RELT: variants seen among roughly 807,000 people sequenced by gnomAD.
The protein encoded by RELT is tumor necrosis factor receptor superfamily member 19L.
Under a neutral mutation model 51.1 loss-of-function variants are expected in RELT, and 37 were observed. The observed-to-expected ratio is 0.72, with a 90% CI of 0.56 to 0.95. The LOEUF is 0.95. RELT is among the 40% of genes least tolerant of loss of function. The pLI is 0.00. For synonymous variants in RELT, 241 were observed against 235.7 expected, an observed-to-expected ratio of 1.02 and a Z score of -0.21; for missense variants, 535 against 572.6, an observed-to-expected ratio of 0.93 and a Z score of 0.67.
chr11:73,393,685 A>C (rs1866256243), intron 6 of RELT, 152 bp from the exon 7 acceptor site: 1 of 1,587,864 alleles, frequency 6.3e-7, no homozygotes, highest in African/African-American at 1.3e-5. Flanking sequence ...CCTGGATCCC[A>C]CATTTGCAGG....
Position 73,395,446 on chromosome 11 carries a change from G to GA in RELT, c.1250dup (p.Asn417LysfsTer9). On this transcript the variant is annotated frameshift_variant, in exon 11 of 11. Coordinates refer to ENST00000064780, the MANE Select transcript of RELT (RefSeq NM_152222.2). LOFTEE classifies it high-confidence loss of function. Reference sequence around the variant, plus strand: ...GACCCCTCACCCCTGCCCACCAGGAGAACCGCTATGTGGTCCGGCTAAGTG... The same window carrying GA: ...GACCCCTCACCCCTGCCCACCAGGAGAAACCGCTATGTGGTCCGGCTAAGTG... The GA allele has an allele frequency of 1.2e-6, 1 of 856,000 alleles. No individual in the cohort carries two copies. The highest frequency in any genetic ancestry group is 2.1e-6 in the Non-Finnish European group (1 of 486,802). The allele number at this position is 856,000 out of a possible 1,614,324, so 53.0% of individuals were successfully genotyped here. A position where few individuals can be genotyped will look rare whatever the true frequency, so the allele number is the denominator to read the frequency against.
intron 5 of RELT, 117 bp downstream of exon 5, chr11:73,391,340 C>G: frequency 1.0e-6 from 1 of 959,626 alleles, no homozygotes; most frequent in Non-Finnish European, 1.6e-6. Flanking sequence ...CTTCTTCCAG[C>G]CCAGGGCAGG....
In RELT at chr11:73,391,142, AG is replaced by A. The variant is rs1482563053; in HGVS notation, c.288del. 3.1e-6 allele frequency: 5 copies of A among 1,613,046 alleles called. No individual in the cohort carries two copies. The highest frequency in any genetic ancestry group is 4.2e-6 in the Non-Finnish European group (5 of 1,179,566). On this transcript the variant is annotated splice_acceptor_variant, in intron 4 of 10. Transcript: ENST00000064780. LOFTEE classifies it high-confidence loss of function. ...CCTCAGTGGTATCTTCCCTCCTCGC[AG>A]GTGGTTTGGGCCTTGGGGGGTTCCC...
intron 1 of RELT, among the ~76,000 whole-genome samples, chr11:73,387,991 G>A (rs943348667): frequency 3.3e-5 from 5 of 152,294 alleles, no homozygotes; most frequent in Middle Eastern, 3.4e-3. Flanking sequence ...AGTACACAGC[G>A]GACTTCCTTG....
At chr11:73,378,472 A>G (rs148160110) in intron 1 of RELT, among the ~76,000 whole-genome samples, 18 of 152,294 alleles carry the variant, frequency 1.2e-4, no homozygotes, top group Admixed American at 5.9e-4. Flanking sequence ...CAGAGAAGCA[A>G]AGTGACTTGG....
In RELT at chr11:73,394,426, T is replaced by TG; in HGVS notation, c.789-51_789-50insG. 6.2e-7 allele frequency: 1 copy of TG among 1,607,474 alleles called. No homozygotes were observed. On this transcript the variant is annotated intron_variant, in intron 8 of 10. Coordinates refer to ENST00000064780, the MANE Select transcript of RELT (RefSeq NM_152222.2). This position sits in a 1 kb window ranked among gnomAD's most constrained non-coding sequence, Gnocchi z 4.9. ...CAAGTCACCCTGTTCCCTGCTGGGGTCTCCTGCCCCTGGCCTGGCCTATGG... is the reference window on the plus strand; with the variant it reads ...CAAGTCACCCTGTTCCCTGCTGGGGTGCTCCTGCCCCTGGCCTGGCCTATGG...
At position 73,394,809 on chromosome 11, in the gene RELT, C is replaced by CT. The variant is rs1349880413; in HGVS notation, c.1046+75_1046+76insT. On this transcript the variant is annotated intron_variant, in intron 9 of 10. Transcript: ENST00000064780. This position sits in a 1 kb window ranked among gnomAD's most constrained non-coding sequence, Gnocchi z 4.9. ...GGGGCCGGGAGGGGGAGGCAGGGCC[C>CT]CAGCTTGGGCCCTGAGCACCCTGCT... 8 of 1,529,936 alleles carry CT rather than the reference C, an allele frequency of 5.2e-6. No homozygotes were observed. The African/African-American group carries it at 1.1e-4, about 21-fold the overall frequency. 94.8% of individuals were successfully genotyped at this position (1,529,936 alleles called of 1,614,324 possible).
intron 1 of RELT, among the ~76,000 whole-genome samples, chr11:73,377,603 G>A (rs1865990231): frequency 6.6e-6 from 1 of 151,726 alleles, no homozygotes; most frequent in Non-Finnish European, 1.5e-5. Flanking sequence ...CTCACGCATC[G>A]AAGTCCCTAC....
In RELT at chr11:73,390,864, T is replaced by C. The variant is rs199650546; in HGVS notation, c.230T>C (p.Leu77Pro). Residue 77 changes from leucine to proline, a missense_variant, in exon 4 of 11, where the codon CTG becomes CCG. Physicochemically the swap from Leu to Pro is moderately conservative, Grantham distance 98 (BLOSUM62 -3). Coordinates refer to ENST00000064780, the MANE Select transcript of RELT (RefSeq NM_152222.2). ...PHARCSLWRR[L>P]EAQVGMATRD... ...GCCCGTTGCAGCCTTTGGAGGAGGC[T>C]GGAGGCCCAGGTGGGCATGGCAACT... The C allele has an allele frequency of 2.9e-5, 46 of 1,613,088 alleles. No individual in the cohort carries two copies. Among genetic ancestry groups the C allele is most frequent in the Non-Finnish European group, 3.7e-5 (44 of 1,179,848 alleles).
At chr11:73,385,363 A>C (rs1036362416) in intron 1 of RELT, among the ~76,000 whole-genome samples, 1 of 152,160 alleles carries the variant, frequency 6.6e-6, no homozygotes, top group Non-Finnish European at 1.5e-5. Flanking sequence ...GGGCTCCACC[A>C]TCTGTGGCCT....
chr11:73,391,564 G>T (rs938920587), intron 5 of RELT, among the ~76,000 whole-genome samples: 1 of 152,170 alleles, frequency 6.6e-6, no homozygotes, highest in African/African-American at 2.4e-5. Flanking sequence ...TCAGCACTTT[G>T]GGAGGCCAAG....
At position 73,388,270 on chromosome 11, in the gene RELT, C is replaced by A. The variant is rs1316358488; in HGVS notation, c.-25-842C>A. Among the ~76,000 whole-genome samples, 12 of 152,258 alleles carry A rather than the reference C, an allele frequency of 7.9e-5. No individual in the cohort carries two copies. Among genetic ancestry groups the A allele is most frequent in the Admixed American group, 7.8e-4 (12 of 15,288 alleles). ...CAGTTGGGTCTCCCCTGGGATGGAG[C>A]TCCCTGCAGACAGGGACCTTGTCTG... On this transcript the variant is annotated intron_variant, in intron 1 of 10. Coordinates refer to ENST00000064780, the MANE Select transcript of RELT (RefSeq NM_152222.2). The surrounding 1 kb of genome is among the most constrained non-coding windows in gnomAD (Gnocchi z 4.1).
chr11:73,385,168 G>T (rs1016016860), intron 1 of RELT, among the ~76,000 whole-genome samples: 1 of 152,140 alleles, frequency 6.6e-6, no homozygotes, highest in Non-Finnish European at 1.5e-5. Context: ...AGCAATGGGC[G>T]CAGGCCTTGG....
Position 73,394,812 on chromosome 11 carries a change from G to A in RELT, c.1046+78G>A. ...GCCGGGAGGGGGAGGCAGGGCCCCA[G>A]CTTGGGCCCTGAGCACCCTGCTCAA... On this transcript the variant is annotated intron_variant, in intron 9 of 10. Coordinates refer to ENST00000064780, the MANE Select transcript of RELT (RefSeq NM_152222.2). The surrounding 1 kb of genome is among the most constrained non-coding windows in gnomAD (Gnocchi z 4.9). 1 of 1,526,596 alleles carries A rather than the reference G, an allele frequency of 6.6e-7. No individual in the cohort carries two copies. The highest frequency in any genetic ancestry group is 8.8e-7 in the Non-Finnish European group (1 of 1,132,058). 94.6% of individuals were successfully genotyped at this position (1,526,596 alleles called of 1,614,324 possible). A position where few individuals can be genotyped will look rare whatever the true frequency, so the allele number is the denominator to read the frequency against.
Position 73,395,184 on chromosome 11 carries a change from G to A in RELT, c.1144G>A (p.Asp382Asn). Residue 382 changes from aspartate to asparagine, a missense_variant, in exon 10 of 11, where the codon GAC becomes AAC. Coordinates refer to ENST00000064780, the MANE Select transcript of RELT (RefSeq NM_152222.2). Reference protein sequence around the residue: ...EAGPSWGDLPDSPQPGLPPEQ... With the variant: ...EAGPSWGDLPNSPQPGLPPEQ... ...TGGGCCCTCGTGGGGTGATCTCCCT[G>A]ACTCCCCACAGCCTGGCCTCCCCCC... 1.9e-6 allele frequency: 3 copies of A among 1,613,250 alleles called. No homozygotes were observed. The South Asian group carries it at 3.3e-5, about 18-fold the overall frequency.
Position 73,394,600 on chromosome 11 carries a change from C to G in RELT, c.912C>G (p.Pro304=). The change falls in exon 9 of 11, where the codon CCC becomes CCG. Residue 304 remains proline (P), a synonymous_variant. Transcript: ENST00000064780. This position sits in a 1 kb window ranked among gnomAD's most constrained non-coding sequence, Gnocchi z 4.9. Reference sequence around the variant, plus strand: ...CCCGCTGTAGCCAGAAGAAGTGGCCCGAGGTGCTGCTGTCCCCTGAGGCTG... The same window carrying G: ...CCCGCTGTAGCCAGAAGAAGTGGCCGGAGGTGCTGCTGTCCCCTGAGGCTG... ...CCSRCSQKKW[P]EVLLSPEAVA... is the part of the protein sequence containing the mutation. 1 of 1,613,148 alleles carries G rather than the reference C, an allele frequency of 6.2e-7. No individual in the cohort carries two copies.
At chr11:73,381,596 G>C (rs1174131481) in intron 1 of RELT, among the ~76,000 whole-genome samples, 1 of 152,216 alleles carries the variant, frequency 6.6e-6, no homozygotes, top group Non-Finnish European at 1.5e-5. Flanking sequence ...GGGGATGCCT[G>C]GCCCAAGGCC....
intron 6 of RELT, chr11:73,393,449 T>G: frequency 8.3e-7 from 1 of 1,199,988 alleles, no homozygotes; most frequent in Non-Finnish European, 1.1e-6. Context: ...GGCCATGGAA[T>G]AGCAGTTTGC....
chr11:73,395,048 T>TC (rs1866289711), intron 9 of RELT, 39 bp from the exon 10 acceptor site: 1 of 1,553,862 alleles, frequency 6.4e-7, no homozygotes, highest in African/African-American at 1.4e-5. Flanking sequence ...TGCCCCGGGA[T>TC]CCCCGCTAAC....
Sources: allele counts gnomAD v4.1 joint callset (sites outside exome capture counted in the v4.1 genomes callset), GRCh38; gene constraint gnomAD v4.1.1; non-coding constraint Gnocchi (gnomAD v3.1); transcripts MANE v1.5; gene names NCBI Gene and HGNC (gene_info 2026-07-23, HGNC 2026-07-21).